Variants in MS4A6A observed in about 807,000 individuals in gnomAD.
MS4A6A encodes the protein membrane-spanning 4-domains subfamily A member 6A.
A neutral mutation model predicts 20.6 loss-of-function variants in MS4A6A; 19 were observed. The observed-to-expected ratio is 0.92, with a 90% CI of 0.64 to 1.36. The LOEUF (loss-of-function observed/expected upper bound fraction) is 1.36. Ranked by LOEUF, MS4A6A falls within the 40% of genes most tolerant of loss-of-function variation. The pLI is 0.00. For missense variants in MS4A6A, 272 were observed against 261.1 expected (o/e 1.04, Z -0.29); for synonymous variants, 108 against 105.0 (o/e 1.03, Z -0.17).
chr11:60,179,718 A>G (rs1291453020), intron 3 of MS4A6A, 113 bp downstream of exon 3: 1 of 1,229,502 alleles, frequency 8.1e-7, no homozygotes, highest in Non-Finnish European at 1.2e-6. Context: ...TTCACCGTTG[A>G]CTCCTTGCTC....
At chr11:60,182,373 C>T (rs1028399284) in intron 1 of MS4A6A, 6 of 152,306 alleles carry the variant, frequency 3.9e-5, no homozygotes, top group African/African-American at 1.4e-4. Flanking sequence ...TGCAGTTACC[C>T]TTATTGTTCA....
intron 1 of MS4A6A, 113 bp downstream of exon 1, chr11:60,182,865 A>T (rs1480702458): frequency 2.4e-6 from 1 of 416,256 alleles, no homozygotes; most frequent in African/African-American, 2.1e-5. Context: ...TCTATTTCCA[A>T]AAGGCCCTAG....
Position 60,172,956 on chromosome 11 carries a change from G to T in MS4A6A, c.*45C>A. ...CTGATTGTTCCTTCTACCACTCTTGGTGACATACTCAACACAGTGCAGGGA... is the reference window on the plus strand; with the variant it reads ...CTGATTGTTCCTTCTACCACTCTTGTTGACATACTCAACACAGTGCAGGGA... On this transcript the variant is annotated 3_prime_UTR_variant, in exon 6 of 6. Coordinates refer to ENST00000528851, the MANE Select transcript of MS4A6A (RefSeq NM_022349.4). 1.2e-6 allele frequency: 2 copies of T among 1,611,072 alleles called. No individual in the cohort carries two copies. The highest frequency in any genetic ancestry group is 8.5e-7 in the Non-Finnish European group (1 of 1,177,982).
At chr11:60,180,464 C>G (rs1857075218) in intron 2 of MS4A6A, 1 of 159,006 alleles carries the variant, frequency 6.3e-6, no homozygotes, top group African/African-American at 2.4e-5. Flanking sequence ...AGTTCACAAC[C>G]CTATAGCTGA....
chr11:60,173,956 C>G (rs187291342), intron 5 of MS4A6A, among the ~76,000 whole-genome samples: 4 of 152,320 alleles, frequency 2.6e-5, no homozygotes, highest in Admixed American at 2.6e-4. Flanking sequence ...GAAGATATAA[C>G]TTTTTCCATT....
intron 1 of MS4A6A, chr11:60,182,723 T>C (rs933217782): frequency 1.3e-5 from 2 of 154,714 alleles, no homozygotes; most frequent in South Asian, 2.0e-4. Context: ...ACAAATGGTC[T>C]AAACACATTT....
At position 60,180,024 on chromosome 11, in the gene MS4A6A, T is replaced by A. The variant is rs1387304511; in HGVS notation, c.148-59A>T. On this transcript the variant is annotated intron_variant, in intron 2 of 5. Transcript: ENST00000528851. ...ACCAGCATTTGTAAAGACAGGGCCT[T>A]TTTGCCGCTCCCATGGCACTAATGC... 4 of 1,557,540 alleles carry A rather than the reference T, an allele frequency of 2.6e-6. No individual in the cohort carries two copies. In the East Asian group the frequency reaches 9.0e-5, roughly 35 times the overall value.
At chr11:60,172,033 T>A, downstream of MS4A6A, 3 of 911,662 alleles carry the variant, frequency 3.3e-6, no homozygotes, top group Non-Finnish European at 4.8e-6. Flanking sequence ...AATAATGGTT[T>A]TTTTTAATGT....
chr11:60,178,589 GT>G (rs892940141), intron 3 of MS4A6A, among the ~76,000 whole-genome samples: 1 of 151,522 alleles, frequency 6.6e-6, no homozygotes, highest in African/African-American at 2.4e-5. Flanking sequence ...AATAATTTTT[GT>G]TTTTTTAATA....
Position 60,172,784 on chromosome 11 carries a change from A to G in MS4A6A, c.*217T>C, listed in dbSNP as rs1565096248. ...GTCTCATTCCCTTCGCTGACAAAAT[A>G]GGAAGATTGAATCAGTTGATTTCTC... is the stretch of plus-strand genomic sequence containing the variant. On this transcript the variant is annotated 3_prime_UTR_variant, in exon 6 of 6. Transcript: ENST00000528851. 11 of 1,325,720 alleles carry G rather than the reference A, an allele frequency of 8.3e-6. No homozygotes were observed. In the Admixed American group the frequency reaches 1.9e-4, roughly 23 times the overall value. The allele number at this position is 1,325,720 out of a possible 1,614,324, so 82.1% of individuals were successfully genotyped here. A position where few individuals can be genotyped will look rare whatever the true frequency, so the allele number is the denominator to read the frequency against.
downstream of MS4A6A, chr11:60,172,159 TAAG>T: frequency 6.2e-7 from 1 of 1,610,108 alleles, no homozygotes; most frequent in East Asian, 2.2e-5. Flanking sequence ...CCTTTTTTCT[TAAG>T]AAGTCAATAG....
chr11:60,183,276 A>T, upstream of MS4A6A: 3 of 1,143,154 alleles, frequency 2.6e-6, no homozygotes, highest in Non-Finnish European at 3.7e-6. Flanking sequence ...CCACTTCGAG[A>T]CATACAAGTT....
chr11:60,181,479 T>G, intron 2 of MS4A6A, 102 bp downstream of exon 2: 2 of 1,473,396 alleles, frequency 1.4e-6, no homozygotes, highest in African/African-American at 1.4e-5. Context: ...CTAGCAAAAT[T>G]TTAGGGTCTC....
chr11:60,178,159 C>A (rs1326070023), intron 4 of MS4A6A, 101 bp downstream of exon 4: 1 of 1,086,674 alleles, frequency 9.2e-7, no homozygotes, highest in Non-Finnish European at 1.4e-6. Context: ...TGCTCTGGAA[C>A]TGAGTTTTCA....
At position 60,176,318 on chromosome 11, in the gene MS4A6A, A is replaced by T. The variant is rs528722376; in HGVS notation, c.340-707T>A. Among the ~76,000 whole-genome samples the T allele has an allele frequency of 2.0e-5, 3 of 152,286 alleles. No homozygotes were observed. The South Asian group carries it at 6.2e-4, about 32-fold the overall frequency. ...GGAGGCAGCGGGAAGTACAAGAAAA[A>T]GGTCTGAACTGGAGGTCAGAATATT... On this transcript the variant is annotated intron_variant, in intron 4 of 5. Transcript: ENST00000528851.
chr11:60,184,010 C>T (rs2083857339), upstream of MS4A6A: 1 of 152,226 alleles, frequency 6.6e-6, no homozygotes, highest in Non-Finnish European at 1.5e-5. Context: ...CAAAGCCCCA[C>T]CCTGCAAGCT....
At chr11:60,180,029 C>A (rs189938105) in intron 2 of MS4A6A, 64 bp from the exon 3 acceptor site, 8 of 1,532,640 alleles carry the variant, frequency 5.2e-6, no homozygotes, top group Non-Finnish European at 6.2e-6. Context: ...GGCCTTTTTG[C>A]CGCTCCCATG....
chr11:60,178,193 C>T, intron 4 of MS4A6A, 67 bp downstream of exon 4: 1 of 1,400,252 alleles, frequency 7.1e-7, no homozygotes, highest in Non-Finnish European at 1.0e-6. Context: ...GAAAGACTAG[C>T]CTTAAAGAGT....
chr11:60,172,797 C>T lies in MS4A6A; in HGVS notation c.*204G>A, dbSNP rs1856645787. 2 of 1,348,980 alleles carry T rather than the reference C, an allele frequency of 1.5e-6. No individual in the cohort carries two copies. Among genetic ancestry groups the T allele is most frequent in the Non-Finnish European group, 9.6e-7 (1 of 1,044,468 alleles). The allele number at this position is 1,348,980 out of a possible 1,614,324, so 83.6% of individuals were successfully genotyped here. ...CGCTGACAAAATAGGAAGATTGAAT[C>T]AGTTGATTTCTCATGATTAACTATT... On this transcript the variant is annotated 3_prime_UTR_variant, in exon 6 of 6. Coordinates refer to ENST00000528851, the MANE Select transcript of MS4A6A (RefSeq NM_022349.4).
Sources: allele counts gnomAD v4.1 joint callset (sites outside exome capture counted in the v4.1 genomes callset), GRCh38; gene constraint gnomAD v4.1.1; transcripts MANE v1.5; gene names NCBI Gene and HGNC (gene_info 2026-07-23, HGNC 2026-07-21).